The following SGCZ variants were observed in gnomAD, a reference collection of about 807,000 sequenced individuals.
SGCZ encodes sarcoglycan zeta.
Under a neutral mutation model 41.3 loss-of-function variants are expected in SGCZ, and 40 were observed. The ratio of observed to expected loss-of-function variants is 0.97; its 90% CI spans 0.75 to 1.26. SGCZ has a LOEUF of 1.26. Among genes scored for constraint, SGCZ ranks in the 50% most tolerant of loss-of-function variants. The pLI, the probability that SGCZ is intolerant of heterozygous loss-of-function variation, is 0.00. For missense variants in SGCZ, 552 were observed against 369.8 expected (o/e 1.49, Z -4.04); for synonymous variants, 206 against 137.5 (o/e 1.50, Z -3.49).
chr8:14,563,105 T>C (rs995137012), intron 1 of SGCZ, among the ~76,000 whole-genome samples: 3 of 152,156 alleles, frequency 2.0e-5, no homozygotes, highest in Admixed American at 2.0e-4. Context: ...TTTGCAGGAG[T>C]CTGGCTCCGG....
At chr8:14,480,917 A>T (rs6530780) in intron 2 of SGCZ, among the ~76,000 whole-genome samples, 137,654 of 152,030 alleles carry the variant, frequency 0.91, 63,673 homozygotes, top group East Asian at 1. Flanking sequence ...AAAAAGAATA[A>T]CATTCTTATA....
chr8:14,994,835 G>A (rs1452781135), intron 1 of SGCZ, among the ~76,000 whole-genome samples: 3 of 152,020 alleles, frequency 2.0e-5, no homozygotes, highest in Admixed American at 6.6e-5. Context: ...TATTATACAC[G>A]TTTTTTCTTA....
At chr8:14,190,381 G>GTATA (rs1359351129) in intron 4 of SGCZ, among the ~76,000 whole-genome samples, 5 of 149,106 alleles carry the variant, frequency 3.4e-5, no homozygotes, top group African/African-American at 1.2e-4. Flanking sequence ...GTGTGTGTGT[G>GTATA]TATATATATA....
chr8:14,710,133 G>A (rs1034390317), intron 1 of SGCZ, among the ~76,000 whole-genome samples: 4 of 152,054 alleles, frequency 2.6e-5, no homozygotes, highest in African/African-American at 7.2e-5. Flanking sequence ...CTGGGAGGCC[G>A]AGGAGGGCAG....
rs111462374 is a variant in SGCZ, at chr8:14,416,344, T to C, written c.235-92140A>G. ...AAAACTATACAGTATTTCTATTTAA[T>C]GTTGTATGTCAATGTAGAAATTTTA... is the stretch of plus-strand genomic sequence containing the variant. On this transcript the variant is annotated intron_variant, in intron 2 of 7. Coordinates refer to ENST00000382080, the MANE Select transcript of SGCZ (RefSeq NM_139167.4). Among the ~76,000 whole-genome samples the C allele has an allele frequency of 5.6e-3, 859 of 152,088 alleles. 7 individuals carry two copies. The highest frequency in any genetic ancestry group is 0.019 in the African/African-American group (808 of 41,554).
chr8:14,106,679 C>G (rs952606553), intron 6 of SGCZ, among the ~76,000 whole-genome samples: 86 of 152,188 alleles, frequency 5.7e-4, no homozygotes, highest in African/African-American at 2.0e-3. Context: ...AACAGCAATC[C>G]TTATGAAATA....
intron 1 of SGCZ, among the ~76,000 whole-genome samples, chr8:15,217,039 C>A (rs900434969): frequency 8.6e-5 from 13 of 151,550 alleles, no homozygotes; most frequent in African/African-American, 3.2e-4. Context: ...CCTGCTTATG[C>A]GCTTATATTC....
chr8:14,344,156 A>G (rs935672500), intron 2 of SGCZ, among the ~76,000 whole-genome samples: 1 of 152,172 alleles, frequency 6.6e-6, no homozygotes, highest in Non-Finnish European at 1.5e-5. Flanking sequence ...TGTTTCATTC[A>G]CAAATGCGTG....
intron 2 of SGCZ, among the ~76,000 whole-genome samples, chr8:14,471,020 C>T (rs1194611365): frequency 6.6e-6 from 1 of 152,112 alleles, no homozygotes; most frequent in Non-Finnish European, 1.5e-5. Context: ...TCAAGAAAAC[C>T]TGCTTTCATT....
intron 3 of SGCZ, among the ~76,000 whole-genome samples, chr8:14,277,855 AG>A (rs1800290532): frequency 6.6e-6 from 1 of 152,090 alleles, no homozygotes; most frequent in Middle Eastern, 3.2e-3. Context: ...TCCCCCCTTT[AG>A]GAATGTAAGC....
rs140405643 is a variant in SGCZ at position 15,217,948 on chromosome 8, G to A, written c.39+19637C>T. 4.7e-3 allele frequency among the ~76,000 whole-genome samples: 709 copies of A among 152,170 alleles called. 5 individuals are homozygous for A. The highest frequency in any genetic ancestry group is 0.016 in the African/African-American group (685 of 41,530). ...CTAAAATACAAAAATTTGCCAAACG[G>A]GGTGGCGTGTGCTTGTAATCCCAGC... On this transcript the variant is annotated intron_variant, in intron 1 of 7. Coordinates refer to ENST00000382080, the MANE Select transcript of SGCZ (RefSeq NM_139167.4).
At chr8:14,653,288 A>C (rs56005251) in intron 1 of SGCZ, among the ~76,000 whole-genome samples, 25 of 152,232 alleles carry the variant, frequency 1.6e-4, no homozygotes, top group Non-Finnish European at 3.5e-4. Flanking sequence ...TTCATCAGCA[A>C]CGTGTCTTCC....
intron 5 of SGCZ, among the ~76,000 whole-genome samples, chr8:14,128,849 A>C (rs1401809326): frequency 6.6e-6 from 1 of 152,180 alleles, no homozygotes; most frequent in South Asian, 2.1e-4. Context: ...AACAAAGTCA[A>C]AAACGACATA....
chr8:14,407,065 CTTTTTTTTT>C (rs67046431), intron 2 of SGCZ, among the ~76,000 whole-genome samples: 2 of 87,186 alleles, frequency 2.3e-5, no homozygotes, highest in Admixed American at 2.9e-4. Flanking sequence ...ATGAGTTTTC[CTTTTTTTTT>C]TTTTTTTTTT....
chr8:15,171,559 C>A (rs1023351635), intron 1 of SGCZ, among the ~76,000 whole-genome samples: 2 of 152,192 alleles, frequency 1.3e-5, no homozygotes, highest in African/African-American at 4.8e-5. Context: ...GGAGATCCAA[C>A]TGGGTATTAT....
At chr8:14,853,161 C>A (rs1051390155) in intron 1 of SGCZ, among the ~76,000 whole-genome samples, 1 of 152,110 alleles carries the variant, frequency 6.6e-6, no homozygotes, top group East Asian at 1.9e-4. Flanking sequence ...AGATTTTGCC[C>A]ATGAATTTCA....
In SGCZ at chr8:15,219,356, T is replaced by C. The variant is rs148079169; in HGVS notation, c.39+18229A>G. ...CTTGACTGTGCTCAGTTAAAATACA[T>C]TGCTGAGTCAATATAATCCATACAT... On this transcript the variant is annotated intron_variant, in intron 1 of 7. Transcript: ENST00000382080. Among the ~76,000 whole-genome samples, 403 of 152,300 alleles carry C rather than the reference T, an allele frequency of 2.6e-3. 3 individuals carry two copies. Among genetic ancestry groups the C allele is most frequent in the African/African-American group, 7.8e-3 (326 of 41,574 alleles).
At chr8:15,001,881 C>A in intron 1 of SGCZ, among the ~76,000 whole-genome samples, 1 of 152,036 alleles carries the variant, frequency 6.6e-6, no homozygotes, top group East Asian at 1.9e-4. Context: ...TTGTTCCCAG[C>A]TGCATGGTTA....
intron 1 of SGCZ, among the ~76,000 whole-genome samples, chr8:15,006,709 A>G (rs189525950): frequency 6.6e-5 from 10 of 152,340 alleles, no homozygotes; most frequent in African/African-American, 2.4e-4. Flanking sequence ...AAGATTAATT[A>G]GACTCTATAA....
Sources: allele counts gnomAD v4.1 joint callset (sites outside exome capture counted in the v4.1 genomes callset), GRCh38; gene constraint gnomAD v4.1.1; transcripts MANE v1.5; gene names NCBI Gene and HGNC (gene_info 2026-07-23, HGNC 2026-07-21).